The following SHQ1 variants were observed in gnomAD, a reference collection of about 807,000 sequenced individuals.
The protein encoded by SHQ1 is SHQ1, H/ACA ribonucleoprotein assembly factor.
In SHQ1, 49 loss-of-function variants were observed where a neutral mutation model predicts 53.8. That is an observed-to-expected ratio of 0.91 (90% CI 0.72 to 1.16). The LOEUF (loss-of-function observed/expected upper bound fraction) is 1.16, where lower values mean the gene tolerates loss of function less well. SHQ1 is among the 50% of genes most tolerant of loss of function. The pLI is 0.00. For synonymous variants in SHQ1, 243 were observed against 251.0 expected, an observed-to-expected ratio of 0.97 and a Z score of 0.30; for missense variants, 738 against 683.1, an observed-to-expected ratio of 1.08 and a Z score of -0.90.
At chr3:72,747,744 T>C (rs542943857), downstream of SHQ1, among the ~76,000 whole-genome samples, 6 of 152,176 alleles carry the variant, frequency 3.9e-5, no homozygotes, top group East Asian at 1.2e-3. Context: ...TCCCAGCACT[T>C]TGGGAGTCTA....
At chr3:72,804,596 A>G (rs894401093) in intron 9 of SHQ1, among the ~76,000 whole-genome samples, 3 of 152,160 alleles carry the variant, frequency 2.0e-5, no homozygotes, top group African/African-American at 7.2e-5. Context: ...CTCTTCACCA[A>G]TTCTGTTATA....
intron 10 of SHQ1, among the ~76,000 whole-genome samples, chr3:72,774,376 T>G (rs1705913836): frequency 6.6e-6 from 1 of 150,650 alleles, no homozygotes; most frequent in Non-Finnish European, 1.5e-5. Flanking sequence ...AGCTAACAAT[T>G]CGAAGATCAA....
chr3:72,824,488 G>A lies in SHQ1; in HGVS notation c.663C>T (p.Asp221=). Residue 221 remains aspartate, a synonymous_variant, in exon 6 of 11, where the codon GAC becomes GAT. Transcript: ENST00000325599. ...QILKYNPWWT[D]KYSKMMAFLE... is the part of the protein sequence containing the mutation. ...AAAAGGCCATCATTTTTGAATATTTGTCAGTCCACCAAGGATTATACTTCA... is the reference window on the plus strand; with the variant it reads ...AAAAGGCCATCATTTTTGAATATTTATCAGTCCACCAAGGATTATACTTCA... The A allele has an allele frequency of 6.2e-7, 1 of 1,612,518 alleles. No individual in the cohort carries two copies. The highest frequency in any genetic ancestry group is 2.2e-5 in the East Asian group (1 of 44,658).
chr3:72,819,267 C>T (rs761047328), intron 6 of SHQ1, among the ~76,000 whole-genome samples: 4 of 152,102 alleles, frequency 2.6e-5, no homozygotes, highest in African/African-American at 9.7e-5. Flanking sequence ...GTGACCCATT[C>T]GAATGTGTTT....
chr3:72,802,152 C>T (rs1000222885), intron 9 of SHQ1, among the ~76,000 whole-genome samples: 9 of 152,196 alleles, frequency 5.9e-5, no homozygotes, highest in Admixed American at 2.0e-4. Flanking sequence ...AGGAGGACAA[C>T]GGGTAGTATG....
In SHQ1 at chr3:72,832,360, A is replaced by T; in HGVS notation, c.599+9T>A. The T allele has an allele frequency of 6.3e-7, 1 of 1,585,038 alleles. No homozygotes were observed. Among genetic ancestry groups the T allele is most frequent in the Non-Finnish European group, 8.6e-7 (1 of 1,156,716 alleles). On this transcript the variant is annotated intron_variant, in intron 5 of 10. Coordinates refer to ENST00000325599, the MANE Select transcript of SHQ1 (RefSeq NM_018130.3). ...AAATTATTTAATCCTCAAAAATCTC[A>T]TTACTCACAGATAATGATCAGGATC...
At chr3:72,792,035 A>G (rs1335524175) in intron 10 of SHQ1, among the ~76,000 whole-genome samples, 2 of 152,236 alleles carry the variant, frequency 1.3e-5, no homozygotes, top group Non-Finnish European at 2.9e-5. Context: ...TTTATATACC[A>G]AGTGCTGGAG....
At chr3:72,782,302 T>C (rs1433260488) in intron 10 of SHQ1, among the ~76,000 whole-genome samples, 1 of 152,234 alleles carries the variant, frequency 6.6e-6, no homozygotes, top group African/African-American at 2.4e-5. Flanking sequence ...TCTGCTAATA[T>C]CTATGTTTTC....
intron 9 of SHQ1, among the ~76,000 whole-genome samples, chr3:72,803,968 G>A (rs184379693): frequency 8.9e-4 from 136 of 152,270 alleles, no homozygotes; most frequent in African/African-American, 2.5e-3. Context: ...CCAAGCTGCA[G>A]CGCAGTGGCA....
chr3:72,810,150 G>A (rs868800596), intron 9 of SHQ1, among the ~76,000 whole-genome samples: 3 of 152,096 alleles, frequency 2.0e-5, no homozygotes, highest in Non-Finnish European at 4.4e-5. Flanking sequence ...GGAAAAAAAA[G>A]GAGTCATGTG....
chr3:72,752,807 A>G (rs1300453165), intron 10 of SHQ1, among the ~76,000 whole-genome samples: 1 of 150,140 alleles, frequency 6.7e-6, no homozygotes, highest in African/African-American at 2.5e-5. Context: ...GATTACAGGC[A>G]TGAGTCACCA....
chr3:72,813,916 G>A (rs561084661), intron 8 of SHQ1, among the ~76,000 whole-genome samples: 1 of 144,444 alleles, frequency 6.9e-6, no homozygotes, highest in Non-Finnish European at 1.5e-5. Context: ...CTGATTTCTA[G>A]GAAAAAAGGT....
intron 9 of SHQ1, among the ~76,000 whole-genome samples, chr3:72,811,391 T>C (rs926186141): frequency 2.0e-5 from 3 of 152,234 alleles, no homozygotes; most frequent in Non-Finnish European, 4.4e-5. Flanking sequence ...GTAGATTGAT[T>C]TTCCAAGGTA....
At position 72,768,471 on chromosome 3, in the gene SHQ1, C is replaced by T. The variant is rs531296436; in HGVS notation, c.1182-17635G>A. Among the ~76,000 whole-genome samples the T allele has an allele frequency of 1.2e-4, 19 of 152,288 alleles. 1 individual carries two copies. In the South Asian group the frequency reaches 2.7e-3, roughly 22 times the overall value. On this transcript the variant is annotated intron_variant, in intron 10 of 10. Coordinates refer to ENST00000325599, the MANE Select transcript of SHQ1 (RefSeq NM_018130.3). ...TAGGAAGAAAGATCATATCCCTAGT[C>T]GAAAGCAACTCGGTTTTACAGGTTT...
chr3:72,819,014 A>G (rs1350263480), intron 6 of SHQ1, among the ~76,000 whole-genome samples: 1 of 152,216 alleles, frequency 6.6e-6, no homozygotes, highest in Non-Finnish European at 1.5e-5. Context: ...TAAGATGGAT[A>G]TCTTTGGCTA....
the SHQ1 span, among the ~76,000 whole-genome samples, chr3:72,742,828 T>C: frequency 3.3e-5 from 5 of 152,292 alleles, no homozygotes; most frequent in South Asian, 2.1e-4. Flanking sequence ...GGTTTTGCCA[T>C]GTTGGCCAGG....
At chr3:72,785,076 C>G (rs1430304775) in intron 10 of SHQ1, among the ~76,000 whole-genome samples, 1 of 152,206 alleles carries the variant, frequency 6.6e-6, no homozygotes, top group Non-Finnish European at 1.5e-5. Flanking sequence ...GGGAATCTAT[C>G]CCCACTGAAA....
intron 9 of SHQ1, among the ~76,000 whole-genome samples, chr3:72,811,759 C>T (rs2106855019): frequency 6.6e-6 from 1 of 152,308 alleles, no homozygotes; most frequent in Admixed American, 6.5e-5. Context: ...AGATGTGATT[C>T]TCTTCTTTAG....
intron 5 of SHQ1, among the ~76,000 whole-genome samples, chr3:72,824,895 G>A (rs1206742148): frequency 1.3e-5 from 2 of 151,236 alleles, no homozygotes; most frequent in Admixed American, 1.3e-4. Flanking sequence ...TCAAACTCCT[G>A]GGGTCAAGCA....
Sources: allele counts gnomAD v4.1 joint callset (sites outside exome capture counted in the v4.1 genomes callset), GRCh38; gene constraint gnomAD v4.1.1; transcripts MANE v1.5; gene names NCBI Gene and HGNC (gene_info 2026-07-23, HGNC 2026-07-21).